Variants in ZFAT observed in about 807,000 individuals in gnomAD.
The protein encoded by ZFAT is zinc finger protein ZFAT.
Under a neutral mutation model 117.7 loss-of-function variants are expected in ZFAT, and 64 were observed. That is an observed-to-expected ratio of 0.54 (90% CI 0.44 to 0.67). The LOEUF (loss-of-function observed/expected upper bound fraction) is 0.67, where lower values mean the gene tolerates loss of function less well. Ranked by LOEUF, ZFAT falls within the 30% of genes least tolerant of loss-of-function variation. The pLI is 0.00. For synonymous variants in ZFAT, 679 were observed against 615.0 expected, an observed-to-expected ratio of 1.10 and a Z score of -1.54; for missense variants, 1,433 against 1,584.5, an observed-to-expected ratio of 0.90 and a Z score of 1.62.
intron 11 of ZFAT, among the ~76,000 whole-genome samples, chr8:134,552,202 C>T (rs1306147780): frequency 6.9e-6 from 1 of 143,918 alleles, no homozygotes; most frequent in African/African-American, 2.5e-5. Context: ...TCCTGAAATC[C>T]TCTGCCCCTG....
At chr8:134,642,536 T>C (rs962944761) in intron 2 of ZFAT, among the ~76,000 whole-genome samples, 2 of 152,212 alleles carry the variant, frequency 1.3e-5, no homozygotes, top group African/African-American at 4.8e-5. Context: ...TAAGAAACTA[T>C]TATCCTCCCA....
chr8:134,696,617 C>G (rs1344582442), intron 1 of ZFAT: 5 of 986,114 alleles, frequency 5.1e-6, no homozygotes, highest in Admixed American at 6.1e-5. Flanking sequence ...GCGCTTCTCT[C>G]CAATACAGCC....
the ZFAT span, among the ~76,000 whole-genome samples, chr8:134,754,428 A>G: frequency 3.3e-5 from 5 of 152,374 alleles, no homozygotes; most frequent in East Asian, 9.6e-4. Flanking sequence ...GGGGTAGGTG[A>G]TTAGGCCAAG....
rs1465789416 is a variant in ZFAT, at chr8:134,633,177, T to C, written c.448+4284A>G. 2.0e-5 allele frequency among the ~76,000 whole-genome samples: 3 copies of C among 149,882 alleles called. No homozygotes were observed. In the Admixed American group the frequency reaches 2.0e-4, roughly 10 times the overall value. On this transcript the variant is annotated intron_variant, in intron 3 of 15. Coordinates refer to ENST00000377838, the MANE Select transcript of ZFAT (RefSeq NM_020863.4). Reference sequence around the variant, plus strand: ...ATACACTTACAGACTGTGTGATCTATCCAAGCGAACTGCTGAAACTATCTG... The same window carrying C: ...ATACACTTACAGACTGTGTGATCTACCCAAGCGAACTGCTGAAACTATCTG...
intron 1 of ZFAT, among the ~76,000 whole-genome samples, chr8:134,674,522 A>AC (rs1832702978): frequency 6.6e-6 from 1 of 152,214 alleles, no homozygotes; most frequent in Non-Finnish European, 1.5e-5. Context: ...GCTCCCTGGG[A>AC]CGGAGCACCT....
chr8:134,609,944 A>C (rs76791661), intron 4 of ZFAT, among the ~76,000 whole-genome samples: 1 of 152,210 alleles, frequency 6.6e-6, no homozygotes, highest in African/African-American at 2.4e-5. Flanking sequence ...AAAAATGAGA[A>C]TAGAACTCTA....
chr8:134,498,301 G>C (rs1364585647), intron 15 of ZFAT, among the ~76,000 whole-genome samples: 1 of 150,438 alleles, frequency 6.6e-6, no homozygotes, highest in African/African-American at 2.5e-5. Context: ...GTTACACACA[G>C]AGCCTGATTT....
At chr8:134,772,229 T>C in the ZFAT span, among the ~76,000 whole-genome samples, 1 of 152,204 alleles carries the variant, frequency 6.6e-6, no homozygotes, top group Non-Finnish European at 1.5e-5. Flanking sequence ...CTATAAATGA[T>C]TAAGCTCAAC....
At chr8:134,821,965 G>A in the ZFAT span, among the ~76,000 whole-genome samples, 214 of 152,218 alleles carry the variant, frequency 1.4e-3, no homozygotes, top group Admixed American at 6.0e-3. Context: ...ACATGGAAAT[G>A]CATGCTGTTG....
chr8:134,714,887 G>A (rs1160123488), upstream of ZFAT, among the ~76,000 whole-genome samples: 1 of 151,988 alleles, frequency 6.6e-6, no homozygotes, highest in Non-Finnish European at 1.5e-5. Flanking sequence ...CCAGTTCCAA[G>A]ACAGCCACAG....
chr8:134,520,927 G>A lies in ZFAT; in HGVS notation c.3190C>T (p.His1064Tyr), dbSNP rs768338143. Residue 1064 changes from histidine (H) to tyrosine (Y), a missense_variant, in exon 13 of 16, where the codon CAT becomes TAT. Transcript: ENST00000377838. Reference sequence around the variant, plus strand: ...TCAATTTCCACCACCTTCAAGCCATGTTTGTTCTTCAAGTGCCTATTGAAC... The same window carrying A: ...TCAATTTCCACCACCTTCAAGCCATATTTGTTCTTCAAGTGCCTATTGAAC... The part of the protein sequence containing the change: ...WEFNRHLKNK[H>Y]GLKVVEIDGD... 1 of 1,613,792 alleles carries A rather than the reference G, an allele frequency of 6.2e-7. No homozygotes were observed. Among genetic ancestry groups the A allele is most frequent in the South Asian group, 1.1e-5 (1 of 91,078 alleles).
chr8:134,649,728 G>A (rs192813338), intron 2 of ZFAT, among the ~76,000 whole-genome samples: 121 of 152,302 alleles, frequency 7.9e-4, no homozygotes, highest in African/African-American at 2.7e-3. Context: ...TAAATGGAAA[G>A]ATATTCCATG....
chr8:134,661,408 G>A (rs2131220328), intron 1 of ZFAT, among the ~76,000 whole-genome samples: 1 of 152,356 alleles, frequency 6.6e-6, no homozygotes, highest in South Asian at 2.1e-4. Flanking sequence ...TGAAGGGGCT[G>A]GCCCTGAAGG....
rs571455362 is a variant in ZFAT, at chr8:134,542,731, G to A, written c.2977-9759C>T. On this transcript the variant is annotated intron_variant, in intron 11 of 15. Coordinates refer to ENST00000377838, the MANE Select transcript of ZFAT (RefSeq NM_020863.4). ...TGTCCACACCTCTTTGTAATAGTGA[G>A]CAAGGTACATGCAGGTATTGTACAG... Among the ~76,000 whole-genome samples the A allele has an allele frequency of 2.6e-5, 4 of 152,286 alleles. No individual in the cohort carries two copies. The South Asian group carries it at 8.3e-4, about 32-fold the overall frequency.
chr8:134,754,245 G>A, the ZFAT span, among the ~76,000 whole-genome samples: 1 of 152,204 alleles, frequency 6.6e-6, no homozygotes, highest in Non-Finnish European at 1.5e-5. Context: ...ACCATCAGAT[G>A]ATGCCCGAGC....
rs747382561 is a variant in ZFAT at position 134,512,583 on chromosome 8, C to T, written c.3253G>A (p.Glu1085Lys). 14 of 1,613,512 alleles carry T rather than the reference C, an allele frequency of 8.7e-6. No individual in the cohort carries two copies. In the East Asian group the frequency reaches 2.7e-4, roughly 31 times the overall value. ...PKWETATEAP[E>K]EPSTQYLHIT... Reference sequence around the variant, plus strand: ...TGGAGATACTGGGTGGAGGGCTCCTCAGGAGCTTCTGTTGCTGTCTAAATA... The same window carrying T: ...TGGAGATACTGGGTGGAGGGCTCCTTAGGAGCTTCTGTTGCTGTCTAAATA... The change falls in exon 14 of 16, where the codon GAG (glutamate) becomes AAG (lysine). Residue 1085 changes from glutamate (E) to lysine (K), a missense_variant. Physicochemically the swap from Glu to Lys is moderately conservative, Grantham distance 56. This residue lies in a region of ZFAT where 503 missense variants were observed against 543.4 expected (regional missense o/e 0.93). Coordinates refer to ENST00000377838, the MANE Select transcript of ZFAT (RefSeq NM_020863.4).
At chr8:134,636,737 A>G (rs1266640866) in intron 3 of ZFAT, among the ~76,000 whole-genome samples, 1 of 152,238 alleles carries the variant, frequency 6.6e-6, no homozygotes, top group African/African-American at 2.4e-5. Context: ...GCTCCAGCGT[A>G]GCCTTGCTAT....
At position 134,509,688 on chromosome 8, in the gene ZFAT, C is replaced by T; in HGVS notation, c.3423G>A (p.Glu1141=). 6.2e-7 allele frequency: 1 copy of T among 1,612,684 alleles called. No individual in the cohort carries two copies. The highest frequency in any genetic ancestry group is 1.1e-5 in the South Asian group (1 of 91,032). Residue 1141 remains glutamate, a synonymous_variant, in exon 15 of 16, where the codon GAG becomes GAA. Transcript: ENST00000377838. ...ILQQIIELGA[E]THDATALASV... Reference sequence around the variant, plus strand: ...AGGCAAGGGCAGTGGCGTCATGGGTCTCGGCGCCCAGCTCAATGATCTGCT... The same window carrying T: ...AGGCAAGGGCAGTGGCGTCATGGGTTTCGGCGCCCAGCTCAATGATCTGCT...
chr8:134,617,699 C>G (rs537820662), intron 3 of ZFAT, among the ~76,000 whole-genome samples: 2 of 152,324 alleles, frequency 1.3e-5, no homozygotes, highest in African/African-American at 4.8e-5. Context: ...ACAAAACAGA[C>G]AGTTTGTATG....
Sources: gnomAD v4.1 joint callset for allele counts (sites outside exome capture counted in the v4.1 genomes callset) on GRCh38, gnomAD v4.1.1 for gene constraint, gnomAD v4.1.1 regional missense constraint, MANE v1.5 for transcripts, NCBI Gene and HGNC (gene_info 2026-07-23, HGNC 2026-07-21) for gene names.